Variants in UBE4A observed in about 807,000 individuals in gnomAD.
UBE4A encodes ubiquitin conjugation factor E4 A.
UBE4A carries 48 observed loss-of-function variants against 117.9 expected under a neutral mutation model. The ratio of observed to expected loss-of-function variants is 0.41; its 90% CI spans 0.32 to 0.52. The LOEUF is 0.52. Ranked by LOEUF, UBE4A falls within the 20% of genes least tolerant of loss-of-function variation. The probability of loss-of-function intolerance (pLI) is 0.33; values close to 1 mark genes in which losing one functional copy is unlikely to be tolerated. For missense variants in UBE4A, 1,067 were observed against 1,296.3 expected (o/e 0.82, Z 2.72); for synonymous variants, 407 against 450.0 (o/e 0.90, Z 1.21).
chr11:118,375,345 A>T, intron 9 of UBE4A, 116 bp downstream of exon 9: 1 of 1,097,564 alleles, frequency 9.1e-7, no homozygotes, highest in Non-Finnish European at 1.2e-6. Flanking sequence ...TGAGGCAGAA[A>T]CGAGCTATTT....
Position 118,386,519 on chromosome 11 carries a change from A to G in UBE4A, c.2494A>G (p.Lys832Glu). ...TCTGACTCCAGAAGCCCGCCGAGAA[A>G]AGGAGGCTGGCCTACAGATGTTTGG... ...DSLTPEARREKEAGLQMFGQL... is the reference protein window; with the variant it reads ...DSLTPEARREEEAGLQMFGQL... Residue 832 changes from lysine to glutamate, a missense_variant, in exon 16 of 20, where the codon AAG becomes GAG. Coordinates refer to ENST00000252108, the MANE Select transcript of UBE4A (RefSeq NM_001204077.2). The G allele has an allele frequency of 1.2e-6, 2 of 1,608,486 alleles. No homozygotes were observed. Among genetic ancestry groups the G allele is most frequent in the Non-Finnish European group, 1.7e-6 (2 of 1,178,288 alleles).
intron 2 of UBE4A, among the ~76,000 whole-genome samples, 198 bp downstream of exon 2, chr11:118,365,399 T>C (rs1052422302): frequency 6.6e-6 from 1 of 152,142 alleles, no homozygotes; most frequent in Non-Finnish European, 1.5e-5. Flanking sequence ...GTCCCTCCCC[T>C]CCGCTGTCCT....
chr11:118,396,397 G>A lies in UBE4A; in HGVS notation c.3158G>A (p.Arg1053Gln), dbSNP rs184723390. The A allele has an allele frequency of 3.1e-6, 5 of 1,613,802 alleles. No individual in the cohort carries two copies. The highest frequency in any genetic ancestry group is 2.2e-5 in the East Asian group (1 of 44,848). ...ACAGAACTAAAAGAAAAAATCCAAC[G>A]GTGGCTTGCAGAGAGGAAACAACAA... Reference protein sequence around the residue: ...PNTELKEKIQRWLAERKQQKE... With the variant: ...PNTELKEKIQQWLAERKQQKE... The change falls in exon 20 of 20, where the codon CGG becomes CAG. Residue 1053 changes from arginine (R) to glutamine (Q), a missense_variant. Arg to Gln is a conservative substitution (Grantham distance 43, BLOSUM62 1). Around this residue, in one of 3 missense-constraint regions of UBE4A, gnomAD observed 32 missense variants for 34.5 expected, o/e 0.93. Coordinates refer to ENST00000252108, the MANE Select transcript of UBE4A (RefSeq NM_001204077.2).
Position 118,379,622 on chromosome 11 carries a change from A to ACTGC in UBE4A, c.1751_1754dup (p.Asn586ProfsTer19). On this transcript the variant is annotated frameshift_variant, in exon 11 of 20. Transcript: ENST00000252108. LOFTEE classifies it high-confidence loss of function. ...ATGACAGAGCCACAAATGCTACAAA[A>ACTGC]CTGCCTAAACTTGCAGGTGTCCATG... The ACTGC allele has an allele frequency of 6.2e-7, 1 of 1,614,220 alleles. No individual in the cohort carries two copies. Among genetic ancestry groups the ACTGC allele is most frequent in the Admixed American group, 1.7e-5 (1 of 60,036 alleles).
intron 16 of UBE4A, among the ~76,000 whole-genome samples, chr11:118,387,092 T>TA (rs1948766491): frequency 6.6e-6 from 1 of 152,208 alleles, no homozygotes; most frequent in African/African-American, 2.4e-5. Context: ...GTACAAGACT[T>TA]AGTGTTAAAA....
At position 118,373,253 on chromosome 11, in the gene UBE4A, C is replaced by G. The variant is rs753747653; in HGVS notation, c.889C>G (p.Leu297Val). The change falls in exon 7 of 20, where the codon CTT becomes GTT. Residue 297 changes from leucine (L) to valine (V), a missense_variant. Leu to Val is a conservative substitution (Grantham distance 32, BLOSUM62 1). This residue lies in a region of UBE4A where 1,001 missense variants were observed against 1,184.0 expected (regional missense o/e 0.85). Coordinates refer to ENST00000252108, the MANE Select transcript of UBE4A (RefSeq NM_001204077.2). Reference protein sequence around the residue: ...QILLYAYLDILLYFTRQKDMA... With the variant: ...QILLYAYLDIVLYFTRQKDMA... ...CCTTTTGTATGCATATCTGGATATTCTTCTCTATTTCACTAGGCAAAAAGA... is the reference window on the plus strand; with the variant it reads ...CCTTTTGTATGCATATCTGGATATTGTTCTCTATTTCACTAGGCAAAAAGA... 2 of 1,613,058 alleles carry G rather than the reference C, an allele frequency of 1.2e-6. No homozygotes were observed. The highest frequency in any genetic ancestry group is 3.3e-5 in the Admixed American group (2 of 60,022).
intron 2 of UBE4A, among the ~76,000 whole-genome samples, chr11:118,365,818 C>T (rs1029529554): frequency 1.3e-5 from 2 of 152,094 alleles, no homozygotes; most frequent in African/African-American, 4.8e-5. Flanking sequence ...AATAACATCT[C>T]AGTAATCAGA....
rs1174977515 is a variant in UBE4A, at chr11:118,359,680, A to G, written c.-42+6A>G. ...TGCTGGCACTTCAGGCTCTGGTAAGACAGGCAATAGCTTCAGGGGACGGGG... is the reference window on the plus strand; with the variant it reads ...TGCTGGCACTTCAGGCTCTGGTAAGGCAGGCAATAGCTTCAGGGGACGGGG... On this transcript the variant is annotated splice_donor_region_variant and intron_variant, in intron 1 of 19. Transcript: ENST00000252108. 1 of 152,282 alleles carries G rather than the reference A, an allele frequency of 6.6e-6. No homozygotes were observed. Among genetic ancestry groups the G allele is most frequent in the Non-Finnish European group, 1.5e-5 (1 of 68,156 alleles). 9.4% of individuals were successfully genotyped at this position (152,282 alleles called of 1,614,324 possible).
At position 118,396,500 on chromosome 11, in the gene UBE4A, G is replaced by A; in HGVS notation, c.*60G>A. 2 of 1,527,564 alleles carry A rather than the reference G, an allele frequency of 1.3e-6. No individual in the cohort carries two copies. The highest frequency in any genetic ancestry group is 1.8e-6 in the Non-Finnish European group (2 of 1,142,548). 94.6% of individuals were successfully genotyped at this position (1,527,564 alleles called of 1,614,324 possible). The stretch of plus-strand genomic sequence containing the variant: ...GAGTGCAGATAAACAATTGTTTGTG[G>A]TTTCTCTCTTTCTGGTTCTGTTCCT... On this transcript the variant is annotated 3_prime_UTR_variant, in exon 20 of 20. Coordinates refer to ENST00000252108, the MANE Select transcript of UBE4A (RefSeq NM_001204077.2).
rs570273428 is a variant in UBE4A, at chr11:118,376,837, G to T, written c.1571+143G>T. ...GGCCAAGGCAGAAGGATTGCTTGAG[G>T]CCAGAAGTTTAAGACCACCAACCTG... On this transcript the variant is annotated intron_variant, in intron 10 of 19. Coordinates refer to ENST00000252108, the MANE Select transcript of UBE4A (RefSeq NM_001204077.2). 107 of 1,015,292 alleles carry T rather than the reference G, an allele frequency of 1.1e-4. No individual in the cohort carries two copies. In the African/African-American group the frequency reaches 1.5e-3, roughly 14 times the overall value. The allele number at this position is 1,015,292 out of a possible 1,614,324, so 62.9% of individuals were successfully genotyped here.
intron 1 of UBE4A, among the ~76,000 whole-genome samples, chr11:118,364,119 A>G (rs1948544262): frequency 6.6e-6 from 1 of 151,994 alleles, no homozygotes; most frequent in Non-Finnish European, 1.5e-5. Context: ...TGTATTTAAT[A>G]TTTCTATGTC....
chr11:118,394,516 A>G (rs1199129037), intron 19 of UBE4A, among the ~76,000 whole-genome samples: 1 of 152,156 alleles, frequency 6.6e-6, no homozygotes, highest in Admixed American at 6.5e-5. Context: ...CACGTCTGTA[A>G]TCCCAGCACT....
chr11:118,393,925 A>G (rs118156379), intron 19 of UBE4A, among the ~76,000 whole-genome samples: 1 of 152,078 alleles, frequency 6.6e-6, no homozygotes, highest in East Asian at 1.9e-4. Context: ...TTTACACTAT[A>G]TTCACCATGT....
Position 118,381,286 on chromosome 11 carries a change from G to GTT in UBE4A, c.1877-98_1877-97dup, listed in dbSNP as rs528786643. ...CTCTAGTACCAACAAAACATTTAGG[G>GTT]TTTTTTTTAACCTTCATTAAGTAGG... On this transcript the variant is annotated intron_variant, in intron 11 of 19. Transcript: ENST00000252108. The GTT allele has an allele frequency of 1.8e-4, 257 of 1,397,916 alleles. 2 individuals are homozygous for GTT. The African/African-American group carries it at 3.3e-3, about 18-fold the overall frequency. 86.6% of individuals were successfully genotyped at this position (1,397,916 alleles called of 1,614,324 possible). A position where few individuals can be genotyped will look rare whatever the true frequency, so the allele number is the denominator to read the frequency against.
chr11:118,390,450 TATATA>T (rs1948802942), intron 17 of UBE4A, among the ~76,000 whole-genome samples: 2 of 145,610 alleles, frequency 1.4e-5, no homozygotes, highest in African/African-American at 5.0e-5. Context: ...TATAATAAAA[TATATA>T]TTATATTTTA....
rs559569144 is a variant in UBE4A at position 118,384,968 on chromosome 11, A to G, written c.2412+23A>G. ...CAGGTAAAAAAAAAAAAAAAAAAAA[A>G]GATTTAACTTCTCCATACCATCAAA... On this transcript the variant is annotated intron_variant, in intron 15 of 19. Coordinates refer to ENST00000252108, the MANE Select transcript of UBE4A (RefSeq NM_001204077.2). 102 of 1,358,466 alleles carry G rather than the reference A, an allele frequency of 7.5e-5. No individual in the cohort carries two copies. In the African/African-American group the frequency reaches 1.2e-3, roughly 16 times the overall value. 84.2% of individuals were successfully genotyped at this position (1,358,466 alleles called of 1,614,324 possible). A position where few individuals can be genotyped will look rare whatever the true frequency, so the allele number is the denominator to read the frequency against.
At chr11:118,394,183 G>T (rs984030620) in intron 19 of UBE4A, among the ~76,000 whole-genome samples, 2 of 151,900 alleles carry the variant, frequency 1.3e-5, no homozygotes, top group Non-Finnish European at 2.9e-5. Flanking sequence ...TTGAGACAGG[G>T]TCTTGCTCTG....
In UBE4A at chr11:118,371,638, A is replaced by G; in HGVS notation, c.533A>G (p.Tyr178Cys). The G allele has an allele frequency of 6.2e-7, 1 of 1,613,014 alleles. No individual in the cohort carries two copies. The highest frequency in any genetic ancestry group is 8.5e-7 in the Non-Finnish European group (1 of 1,179,934). ...GAGAGGCACATTTTTTGTTACCTTT[A>G]CTCCTGCTTCCAGAGAGCCAAGGAA... is the stretch of plus-strand genomic sequence containing the variant. ...AGERHIFCYL[Y>C]SCFQRAKEEI... The change falls in exon 5 of 20, where the codon TAC becomes TGC. Residue 178 changes from tyrosine (Y) to cysteine (C), a missense_variant. By Grantham distance (194) the Tyr-to-Cys change is radical (BLOSUM62 -2). Around this residue, in one of 3 missense-constraint regions of UBE4A, gnomAD observed 1,001 missense variants for 1,184.0 expected, o/e 0.85. Coordinates refer to ENST00000252108, the MANE Select transcript of UBE4A (RefSeq NM_001204077.2).
At chr11:118,375,776 A>G (rs1251259898) in intron 9 of UBE4A, among the ~76,000 whole-genome samples, 46 of 152,106 alleles carry the variant, frequency 3.0e-4, no homozygotes, top group Admixed American at 6.6e-5. Context: ...TCATTCATTC[A>G]TAGTTTATAA....
Sources: allele counts gnomAD v4.1 joint callset (sites outside exome capture counted in the v4.1 genomes callset), GRCh38; gene constraint gnomAD v4.1.1; regional missense constraint gnomAD v4.1.1; transcripts MANE v1.5; gene names NCBI Gene and HGNC (gene_info 2026-07-23, HGNC 2026-07-21).